The following SLC2A14 variants were observed in gnomAD, a reference collection of about 807,000 sequenced individuals.
The protein encoded by SLC2A14 is solute carrier family 2, facilitated glucose transporter member 14.
Under a neutral mutation model 43.0 loss-of-function variants are expected in SLC2A14, and 13 were observed. That is an observed-to-expected ratio of 0.30 (90% CI 0.20 to 0.48). The LOEUF (loss-of-function observed/expected upper bound fraction) is 0.48, where lower values mean the gene tolerates loss of function less well. SLC2A14 is among the 20% of genes least tolerant of loss of function. SLC2A14 has a pLI of 0.99. For missense variants in SLC2A14, 428 were observed against 620.4 expected, an observed-to-expected ratio of 0.69 and a Z score of 3.29; for synonymous variants, 190 against 233.8, an observed-to-expected ratio of 0.81 and a Z score of 1.71.
rs758666405 is a variant in SLC2A14, at chr12:7,817,987, G to A, written c.1119C>T (p.Val373=). The stretch of plus-strand genomic sequence containing the variant: ...GTCCAATTTCAAAACAGGCCACAAA[G>A]ACCAAGATAGCCCCAATACAGACAA... ...MSFVCIGAIL[V]FVACFEIGPG... The change falls in exon 10 of 11, where the codon GTC becomes GTT. Residue 373 remains valine (V), a synonymous_variant. Transcript: ENST00000431042. The A allele has an allele frequency of 3.6e-5, 58 of 1,613,948 alleles. No individual in the cohort carries two copies. Among genetic ancestry groups the A allele is most frequent in the Non-Finnish European group, 4.4e-5 (52 of 1,180,030 alleles).
chr12:7,878,976 CAAAAAAAAAAAAAAAAA>C (rs58838986), intron 1 of SLC2A14, among the ~76,000 whole-genome samples: 6 of 69,332 alleles, frequency 8.7e-5, no homozygotes, highest in Admixed American at 2.2e-4. Flanking sequence ...GAGTCCGTCT[CAAAAAAAAAAAAAAAAA>C]AAAAAAAAAA....
At chr12:7,878,995 A>AAC (rs1555149667) in intron 1 of SLC2A14, among the ~76,000 whole-genome samples, 2 of 126,134 alleles carry the variant, frequency 1.6e-5, no homozygotes, top group African/African-American at 5.9e-5. Context: ...AAAAAAAAAA[A>AAC]AAAAAAAAAA....
At chr12:7,876,420 G>C (rs1279019821), upstream of SLC2A14, among the ~76,000 whole-genome samples, 2 of 151,954 alleles carry the variant, frequency 1.3e-5, no homozygotes, top group Admixed American at 6.6e-5. Flanking sequence ...CTGGGGCCTT[G>C]ATCTTGGACT....
chr12:7,814,618 A>T, intron 10 of SLC2A14, 84 bp from the exon 11 acceptor site: 1 of 1,417,456 alleles, frequency 7.1e-7, no homozygotes, highest in Non-Finnish European at 9.6e-7. Flanking sequence ...CATATTTCCA[A>T]TAGGCTTCAA....
rs1211087650 is a variant in SLC2A14 at position 7,886,911 on chromosome 12, TC to T, written c.132+4084del. Among the ~76,000 whole-genome samples, 178 of 138,976 alleles carry T rather than the reference TC, an allele frequency of 1.3e-3. 1 individual carries two copies. The Middle Eastern group carries it at 0.018, about 14-fold the overall frequency. 91.2% of individuals were successfully genotyped at this position (138,976 alleles called of 152,430 possible). A position where few individuals can be genotyped will look rare whatever the true frequency, so the allele number is the denominator to read the frequency against. ...TTCCTTCATCAACAAATAATGATTTTCTTTTTTTTTTTTTTTTTGAGACTGA... is the reference window on the plus strand; with the variant it reads ...TTCCTTCATCAACAAATAATGATTTTTTTTTTTTTTTTTTTTTGAGACTGA... On this transcript the variant is annotated intron_variant, in intron 1 of 9. Coordinates refer to the SLC2A14 transcript ENST00000539924.
Position 7,828,819 on chromosome 12 carries a change from C to A in SLC2A14, c.561G>T (p.Val187=). ...CTGGAAGGATGGTAAAGCCTAATAGCACCGGCCATAGCTCTTCAGACCCAA... is the reference window on the plus strand; with the variant it reads ...CTGGAAGGATGGTAAAGCCTAATAGAACCGGCCATAGCTCTTCAGACCCAA... The part of the protein sequence containing the change: ...LILGSEELWP[V]LLGFTILPAI... Residue 187 remains valine (V), a synonymous_variant, in exon 6 of 11, where the codon GTG becomes GTT. Coordinates refer to ENST00000431042, the MANE Select transcript of SLC2A14 (RefSeq NM_001286234.2). 3 of 1,614,156 alleles carry A rather than the reference C, an allele frequency of 1.9e-6. No individual in the cohort carries two copies. Among genetic ancestry groups the A allele is most frequent in the Non-Finnish European group, 2.5e-6 (3 of 1,180,028 alleles).
chr12:7,819,140 CCAGGAGG>C (rs770630036), intron 9 of SLC2A14, among the ~76,000 whole-genome samples: 1,941 of 152,158 alleles, frequency 0.013, 22 homozygotes, highest in Middle Eastern at 0.044. Flanking sequence ...TCACTTGAAC[CCAGGAGG>C]TAGAGGTTGT....
chr12:7,832,924 A>G, intron 2 of SLC2A14, 110 bp from the exon 3 acceptor site: 1 of 1,029,752 alleles, frequency 9.7e-7, no homozygotes, highest in Non-Finnish European at 1.4e-6. Context: ...TATGAGTGGT[A>G]TGAAAAGGAC....
intron 7 of SLC2A14, among the ~76,000 whole-genome samples, chr12:7,822,681 A>AAAG (rs1476037884): frequency 2.1e-4 from 32 of 151,770 alleles, no homozygotes; most frequent in African/African-American, 7.2e-4. Flanking sequence ...AAAAAAAAAA[A>AAAG]AAAGAAAGTG....
intron 7 of SLC2A14, among the ~76,000 whole-genome samples, chr12:7,822,651 A>G (rs1024071907): frequency 2.7e-5 from 4 of 148,390 alleles, no homozygotes; most frequent in African/African-American, 1.0e-4. Context: ...CCTGGGCAAC[A>G]GAGCGAGACT....
chr12:7,861,735 G>A (rs1944571540), intron 2 of SLC2A14, among the ~76,000 whole-genome samples: 1 of 152,068 alleles, frequency 6.6e-6, no homozygotes, highest in Non-Finnish European at 1.5e-5. Context: ...GGCTGAGGCA[G>A]CAGATCTCCT....
At chr12:7,857,537 A>G (rs773636477) in intron 2 of SLC2A14, among the ~76,000 whole-genome samples, 9 of 151,986 alleles carry the variant, frequency 5.9e-5, no homozygotes, top group Non-Finnish European at 1.2e-4. Flanking sequence ...GCAGCGAGCC[A>G]AGATCGCGCC....
chr12:7,881,798 A>G lies in SLC2A14; in HGVS notation c.132+9198T>C, dbSNP rs1008619148. The stretch of plus-strand genomic sequence containing the variant: ...TAGCTAAAGGATTGTAAATACACCA[A>G]TCGGCACTCTGTATCTAGCTCAAGG... On this transcript the variant is annotated intron_variant, in intron 1 of 9. Transcript: ENST00000539924. Among the ~76,000 whole-genome samples, 10 of 152,252 alleles carry G rather than the reference A, an allele frequency of 6.6e-5. No individual in the cohort carries two copies. The East Asian group carries it at 1.9e-3, about 29-fold the overall frequency.
At position 7,881,627 on chromosome 12, in the gene SLC2A14, G is replaced by C. The variant is rs1456443660; in HGVS notation, c.132+9369C>G. Among the ~76,000 whole-genome samples, 4 of 152,278 alleles carry C rather than the reference G, an allele frequency of 2.6e-5. 1 individual carries two copies. The South Asian group carries it at 8.3e-4, about 32-fold the overall frequency. On this transcript the variant is annotated intron_variant, in intron 1 of 9. Transcript: ENST00000539924. Reference sequence around the variant, plus strand: ...CGCGGCCTCCTGCTCCACGCGCCCAGTCCCATCGACCACCCAAGGGCTGAG... The same window carrying C: ...CGCGGCCTCCTGCTCCACGCGCCCACTCCCATCGACCACCCAAGGGCTGAG...
intron 9 of SLC2A14, among the ~76,000 whole-genome samples, 155 bp downstream of exon 9, chr12:7,819,327 T>C (rs7977066): frequency 0.017 from 2,577 of 152,332 alleles, 59 homozygotes; most frequent in African/African-American, 0.055. Context: ...AGTTCTCTGA[T>C]GACCCATGTT....
intron 2 of SLC2A14, among the ~76,000 whole-genome samples, chr12:7,843,837 C>G (rs1281600682): frequency 6.6e-6 from 1 of 151,570 alleles, no homozygotes; most frequent in Non-Finnish European, 1.5e-5. Flanking sequence ...ATCAGACGTT[C>G]CAATTACAAA....
At position 7,871,119 on chromosome 12, in the gene SLC2A14, C is replaced by G. The variant is rs1945208520; in HGVS notation, c.-57-1182G>C. On this transcript the variant is annotated intron_variant, in intron 1 of 10. Transcript: ENST00000431042. ...CCATCAACTTCACCACTTCCCTCAC[C>G]ATGTTTGGGGAGAAGCTGAATGGAA... 8 of 1,340,894 alleles carry G rather than the reference C, an allele frequency of 6.0e-6. No homozygotes were observed. In the South Asian group the frequency reaches 1.0e-4, roughly 18 times the overall value. 83.1% of individuals were successfully genotyped at this position (1,340,894 alleles called of 1,614,324 possible).
intron 2 of SLC2A14, among the ~76,000 whole-genome samples, chr12:7,865,845 A>C (rs1296298800): frequency 6.6e-6 from 1 of 152,174 alleles, no homozygotes; most frequent in Non-Finnish European, 1.5e-5. Flanking sequence ...CTGTTGCACC[A>C]AACAGTTAGC....
Position 7,869,956 on chromosome 12 carries a change from T to A in SLC2A14, c.-57-19A>T. The A allele has an allele frequency of 6.8e-7, 1 of 1,478,342 alleles. No homozygotes were observed. The highest frequency in any genetic ancestry group is 9.1e-7 in the Non-Finnish European group (1 of 1,101,328). 91.6% of individuals were successfully genotyped at this position (1,478,342 alleles called of 1,614,324 possible). A position where few individuals can be genotyped will look rare whatever the true frequency, so the allele number is the denominator to read the frequency against. On this transcript the variant is annotated intron_variant, in intron 1 of 10. Transcript: ENST00000431042. ...CTGCTTCCTGTAAATTGTAATTGTC[T>A]AGTTATTCATTTACTCCATCTACTT...
Sources: allele counts gnomAD v4.1 joint callset (sites outside exome capture counted in the v4.1 genomes callset), GRCh38; gene constraint gnomAD v4.1.1; transcripts MANE v1.5; gene names NCBI Gene and HGNC (gene_info 2026-07-23, HGNC 2026-07-21).